The following HYCC1 variants were observed in gnomAD, a reference collection of about 807,000 sequenced individuals.
HYCC1 encodes the protein hyccin.
At chr7:22,973,722 T>TA in the HYCC1 span, among the ~76,000 whole-genome samples, 2 of 152,316 alleles carry the variant, frequency 1.3e-5, no homozygotes, top group South Asian at 2.1e-4. Flanking sequence ...TCTTTGTTTT[T>TA]AAAGCCAGTT....
At chr7:22,910,774 C>T in the HYCC1 span, among the ~76,000 whole-genome samples, 4 of 151,790 alleles carry the variant, frequency 2.6e-5, no homozygotes, top group Admixed American at 1.3e-4. Context: ...TACATTTTCC[C>T]GGTTTTTTTG....
the HYCC1 span, among the ~76,000 whole-genome samples, chr7:23,004,998 G>C: frequency 1.3e-5 from 2 of 152,028 alleles, no homozygotes; most frequent in African/African-American, 4.8e-5. Context: ...GTAGAGACAG[G>C]GTTTCACCGT....
At chr7:22,971,414 T>G in the HYCC1 span, among the ~76,000 whole-genome samples, 1 of 150,586 alleles carries the variant, frequency 6.6e-6, no homozygotes, top group African/African-American at 2.4e-5. Context: ...GTGTGGTGGC[T>G]CACATCTGTA....
chr7:22,955,895 T>G, the HYCC1 span, among the ~76,000 whole-genome samples: 1 of 151,700 alleles, frequency 6.6e-6, no homozygotes, highest in Non-Finnish European at 1.5e-5. Flanking sequence ...AAAGCATAAT[T>G]ATAAAGAAAT....
At chr7:22,908,375 A>C in the HYCC1 span, among the ~76,000 whole-genome samples, 1 of 152,194 alleles carries the variant, frequency 6.6e-6, no homozygotes, top group Non-Finnish European at 1.5e-5. Context: ...CACTGTTGTG[A>C]AACACATGCT....
At chr7:22,943,728 T>A in the HYCC1 span, 1 of 152,604 alleles carries the variant, frequency 6.6e-6, no homozygotes, top group Non-Finnish European at 1.5e-5. Context: ...CAAAAAGACA[T>A]CTGTAAATTC....
chr7:22,987,064 G>T, the HYCC1 span, among the ~76,000 whole-genome samples: 35 of 152,226 alleles, frequency 2.3e-4, no homozygotes, highest in Non-Finnish European at 4.4e-4. Flanking sequence ...TTGAGATTCA[G>T]CAACTATCAG....
chr7:22,951,225 T>C, the HYCC1 span, among the ~76,000 whole-genome samples: 3 of 151,982 alleles, frequency 2.0e-5, no homozygotes, highest in Non-Finnish European at 4.4e-5. Flanking sequence ...TATTTTATTA[T>C]GTCACTTACA....
the HYCC1 span, among the ~76,000 whole-genome samples, chr7:22,997,978 G>C: frequency 6.6e-6 from 1 of 152,096 alleles, no homozygotes; most frequent in African/African-American, 2.4e-5. Flanking sequence ...TGTTGGAAAA[G>C]CTAGAACAAT....
At chr7:22,938,336 C>T in the HYCC1 span, 2 of 152,224 alleles carry the variant, frequency 1.3e-5, no homozygotes, top group Non-Finnish European at 2.9e-5. Flanking sequence ...GAACTATCAA[C>T]TTTGCTAATC....
the HYCC1 span, among the ~76,000 whole-genome samples, chr7:22,992,962 C>G: frequency 2.0e-5 from 3 of 152,240 alleles, no homozygotes; most frequent in East Asian, 5.8e-4. Flanking sequence ...ACCTGGACTT[C>G]CAACAGCAAA....
chr7:22,925,543 C>T, the HYCC1 span, among the ~76,000 whole-genome samples: 1 of 152,202 alleles, frequency 6.6e-6, no homozygotes, highest in Admixed American at 6.5e-5. Flanking sequence ...ATGCACAAGC[C>T]TCGGTAACCA....
At chr7:22,945,213 G>C in the HYCC1 span, 1 of 291,014 alleles carries the variant, frequency 3.4e-6, no homozygotes, top group South Asian at 3.8e-5. Flanking sequence ...CATCAAAATA[G>C]GAGCTATTAA....
At chr7:22,989,244 G>A in the HYCC1 span, among the ~76,000 whole-genome samples, 1 of 151,202 alleles carries the variant, frequency 6.6e-6, no homozygotes, top group Non-Finnish European at 1.5e-5. Context: ...AAAAAGCCGT[G>A]ATAACAGACT....
the HYCC1 span, chr7:22,941,252 G>GA: frequency 7.9e-5 from 12 of 151,930 alleles, no homozygotes; most frequent in South Asian, 2.1e-4. Context: ...AACTGATCTG[G>GA]AAAAAATATT....
the HYCC1 span, chr7:22,938,101 G>A: frequency 6.6e-6 from 1 of 152,106 alleles, no homozygotes; most frequent in Admixed American, 6.5e-5. Flanking sequence ...GTTTATTCCA[G>A]GAAATCTTTG....
chr7:22,986,931 T>G, the HYCC1 span, among the ~76,000 whole-genome samples: 1 of 152,118 alleles, frequency 6.6e-6, no homozygotes, highest in African/African-American at 2.4e-5. Context: ...TTCAAAAATG[T>G]AAGGAGGTGA....
the HYCC1 span, among the ~76,000 whole-genome samples, chr7:22,923,440 A>G: frequency 6.6e-6 from 1 of 152,214 alleles, no homozygotes; most frequent in Admixed American, 6.5e-5. Context: ...GTAACTTCCT[A>G]TATTAAAAAA....
the HYCC1 span, among the ~76,000 whole-genome samples, chr7:22,920,598 T>C: frequency 6.6e-6 from 1 of 152,180 alleles, no homozygotes; most frequent in African/African-American, 2.4e-5. Context: ...CTCGCAGAGA[T>C]ATTTTACAAG....
Sources: gnomAD v4.1 joint callset for allele counts (sites outside exome capture counted in the v4.1 genomes callset) on GRCh38, gnomAD v4.1.1 for gene constraint, MANE v1.5 for transcripts, NCBI Gene and HGNC (gene_info 2026-07-23, HGNC 2026-07-21) for gene names.